Variants in GPATCH1 observed in about 807,000 individuals in gnomAD.
GPATCH1 encodes G patch domain-containing protein 1.
GPATCH1 carries 73 observed loss-of-function variants against 114.9 expected under a neutral mutation model. The observed-to-expected ratio is 0.64, with a 90% CI of 0.53 to 0.77. GPATCH1 has a LOEUF of 0.77. GPATCH1 is among the 30% of genes least tolerant of loss of function. The probability of loss-of-function intolerance (pLI) is 0.00; values close to 1 mark genes in which losing one functional copy is unlikely to be tolerated. For missense variants in GPATCH1, 1,058 were observed against 1,144.3 expected (o/e 0.92, Z 1.09); for synonymous variants, 391 against 428.4 (o/e 0.91, Z 1.08).
At position 33,096,283 on chromosome 19, in the gene GPATCH1, A is replaced by G; in HGVS notation, c.689A>G (p.Lys230Arg). 1.2e-6 allele frequency: 2 copies of G among 1,614,086 alleles called. No individual in the cohort carries two copies. Among genetic ancestry groups the G allele is most frequent in the Non-Finnish European group, 1.7e-6 (2 of 1,179,970 alleles). ...KDVTPVDFTP[K>R]DNVHGLAYKG... ...GTCACACCTGTGGATTTCACACCTAAAGATAATGTGCATGGTCTAGCTTAC... is the reference window on the plus strand; with the variant it reads ...GTCACACCTGTGGATTTCACACCTAGAGATAATGTGCATGGTCTAGCTTAC... The change falls in exon 7 of 20, where the codon AAA (lysine) becomes AGA (arginine). Residue 230 changes from lysine (K) to arginine (R), a missense_variant. By Grantham distance (26) the Lys-to-Arg change is conservative. Around this residue, in one of 3 missense-constraint regions of GPATCH1, gnomAD observed 893 missense variants for 977.4 expected, o/e 0.91. Transcript: ENST00000170564.
chr19:33,083,357 T>C (rs2145296320), intron 1 of GPATCH1, among the ~76,000 whole-genome samples: 1 of 151,396 alleles, frequency 6.6e-6, no homozygotes, highest in South Asian at 2.1e-4. Flanking sequence ...GTTGGAATTA[T>C]AGGCGTGACT....
chr19:33,109,528 T>G (rs10424194), intron 10 of GPATCH1, among the ~76,000 whole-genome samples, 189 bp from the exon 11 acceptor site: 20,458 of 151,774 alleles, frequency 0.13, 1,564 homozygotes, highest in East Asian at 0.31. Flanking sequence ...ATAATAATAA[T>G]AAGAAGAAGA....
At position 33,125,193 on chromosome 19, in the gene GPATCH1, G is replaced by A. The variant is rs1425644611; in HGVS notation, c.2610G>A (p.Lys870=). ...AGGCCAAGAAAGAGCACAGGCGGAA[G>A]AAAGAGAAGGTGAGAGACTTGTGTG... is the stretch of plus-strand genomic sequence containing the variant. ...KHKAKKEHRR[K]KEKKKKHRKH... is the part of the protein sequence containing the mutation. Residue 870 remains lysine, a synonymous_variant, in exon 18 of 20, where the codon AAG becomes AAA. Coordinates refer to ENST00000170564, the MANE Select transcript of GPATCH1 (RefSeq NM_018025.3). The A allele has an allele frequency of 3.1e-6, 5 of 1,592,266 alleles. No individual in the cohort carries two copies. The African/African-American group carries it at 4.1e-5, about 13-fold the overall frequency.
intron 8 of GPATCH1, among the ~76,000 whole-genome samples, chr19:33,101,012 C>A (rs959041538): frequency 2.6e-5 from 4 of 152,122 alleles, no homozygotes; most frequent in Admixed American, 2.6e-4. Context: ...TACAGGCTGA[C>A]CTGGTGGCAT....
At chr19:33,099,963 G>T (rs919189392) in intron 8 of GPATCH1, among the ~76,000 whole-genome samples, 1 of 151,744 alleles carries the variant, frequency 6.6e-6, no homozygotes, top group African/African-American at 2.4e-5. Flanking sequence ...TAGAGATGGA[G>T]TTTCATCATG....
intron 6 of GPATCH1, 66 bp from the exon 7 acceptor site, chr19:33,096,141 A>T: frequency 6.6e-7 from 1 of 1,511,028 alleles, no homozygotes; most frequent in South Asian, 1.2e-5. Context: ...GTTTTCAATT[A>T]GTATTTTGTG....
intron 17 of GPATCH1, among the ~76,000 whole-genome samples, chr19:33,120,028 A>G (rs1972960789): frequency 7.2e-6 from 1 of 139,568 alleles, no homozygotes; most frequent in African/African-American, 2.6e-5. Flanking sequence ...ATATTTATAT[A>G]TTTATATATT....
chr19:33,113,820 A>G lies in GPATCH1; in HGVS notation c.1946A>G (p.Asn649Ser). Reference sequence around the variant, plus strand: ...AAGCGTGACAAGTACTCAGTCTTCAACTTTCTGACGCTCCCAGAGACAGCT... The same window carrying G: ...AAGCGTGACAAGTACTCAGTCTTCAGCTTTCTGACGCTCCCAGAGACAGCT... Reference protein sequence around the residue: ...RVKRDKYSVFNFLTLPETASL... With the variant: ...RVKRDKYSVFSFLTLPETASL... Residue 649 changes from asparagine to serine, a missense_variant, in exon 14 of 20, where the codon AAC (asparagine) becomes AGC (serine). Around this residue, in one of 3 missense-constraint regions of GPATCH1, gnomAD observed 893 missense variants for 977.4 expected, o/e 0.91. Transcript: ENST00000170564. 1.2e-6 allele frequency: 2 copies of G among 1,613,824 alleles called. No homozygotes were observed. The highest frequency in any genetic ancestry group is 1.7e-6 in the Non-Finnish European group (2 of 1,179,750).
At position 33,097,917 on chromosome 19, in the gene GPATCH1, A is replaced by C; in HGVS notation, c.1000+15A>C. On this transcript the variant is annotated intron_variant, in intron 8 of 19. Coordinates refer to ENST00000170564, the MANE Select transcript of GPATCH1 (RefSeq NM_018025.3). ...AAACCAGAAAGGTAATTCGACAGCC[A>C]CAAACCTAATGGCAGGACCAAGTGT... 6.2e-7 allele frequency: 1 copy of C among 1,613,182 alleles called. No individual in the cohort carries two copies. The highest frequency in any genetic ancestry group is 8.5e-7 in the Non-Finnish European group (1 of 1,179,382).
chr19:33,130,061 T>C, intron 19 of GPATCH1, 69 bp from the exon 20 acceptor site: 12 of 1,188,518 alleles, frequency 1.0e-5, no homozygotes, highest in Non-Finnish European at 1.5e-5. Flanking sequence ...ATTCTCAGCC[T>C]CCACGGAGCT....
At chr19:33,085,939 G>A (rs533128984) in intron 1 of GPATCH1, among the ~76,000 whole-genome samples, 1 of 152,238 alleles carries the variant, frequency 6.6e-6, no homozygotes, top group East Asian at 1.9e-4. Context: ...TCTCCCCTTT[G>A]AGATCAGAAG....
At chr19:33,082,183 C>T (rs1410558084) in intron 1 of GPATCH1, among the ~76,000 whole-genome samples, 1 of 152,100 alleles carries the variant, frequency 6.6e-6, no homozygotes, top group African/African-American at 2.4e-5. Context: ...CAGAGCTGAC[C>T]ATACTTGCTG....
At chr19:33,117,404 T>C (rs1055063220) in intron 15 of GPATCH1, among the ~76,000 whole-genome samples, 1 of 152,186 alleles carries the variant, frequency 6.6e-6, no homozygotes, top group African/African-American at 2.4e-5. Flanking sequence ...AGTGCTCTAC[T>C]GCATTTTTGG....
intron 17 of GPATCH1, among the ~76,000 whole-genome samples, chr19:33,124,692 T>C (rs1410797746): frequency 6.6e-6 from 1 of 152,148 alleles, no homozygotes; most frequent in Non-Finnish European, 1.5e-5. Flanking sequence ...TTGGGGAAAC[T>C]GGGCGTGGGA....
rs181919592 is a variant in GPATCH1 at position 33,115,529 on chromosome 19, T to C, written c.2196+1110T>C. Among the ~76,000 whole-genome samples the C allele has an allele frequency of 9.2e-5, 14 of 151,572 alleles. No individual in the cohort carries two copies. The East Asian group carries it at 2.1e-3, about 23-fold the overall frequency. ...TTTTTTTTGAGATGAAGTTTTACTC[T>C]TCTTGCCCAGGCTGGAGTACAATGG... is the stretch of plus-strand genomic sequence containing the variant. On this transcript the variant is annotated intron_variant, in intron 15 of 19. Transcript: ENST00000170564.
At chr19:33,095,560 G>A (rs1159995768) in intron 5 of GPATCH1, among the ~76,000 whole-genome samples, 1 of 151,506 alleles carries the variant, frequency 6.6e-6, no homozygotes, top group Non-Finnish European at 1.5e-5. Flanking sequence ...GCTGCGCCCA[G>A]CCTTTTTTTT....
chr19:33,106,606 A>G, intron 9 of GPATCH1, 89 bp from the exon 10 acceptor site: 1 of 1,092,032 alleles, frequency 9.2e-7, no homozygotes, highest in Non-Finnish European at 1.4e-6. Context: ...GGGCGGGGTT[A>G]ACAAGGCTCA....
intron 9 of GPATCH1, 91 bp downstream of exon 9, chr19:33,101,665 A>C (rs1972727871): frequency 4.5e-6 from 3 of 674,082 alleles, no homozygotes; most frequent in East Asian, 2.6e-5. Context: ...ACAACAGGAA[A>C]GATAAGTAAA....
intron 5 of GPATCH1, among the ~76,000 whole-genome samples, chr19:33,095,103 G>A (rs1972640494): frequency 6.6e-6 from 1 of 151,974 alleles, no homozygotes; most frequent in African/African-American, 2.4e-5. Flanking sequence ...GAAGGTTGAG[G>A]CTACAGTGAG....
Sources: gnomAD v4.1 joint callset for allele counts (sites outside exome capture counted in the v4.1 genomes callset) on GRCh38, gnomAD v4.1.1 for gene constraint, gnomAD v4.1.1 regional missense constraint, MANE v1.5 for transcripts, NCBI Gene and HGNC (gene_info 2026-07-23, HGNC 2026-07-21) for gene names.